The following HDAC4 variants were observed in gnomAD, a reference collection of about 807,000 sequenced individuals.
HDAC4 encodes histone deacetylase A.
Under a neutral mutation model 135.1 loss-of-function variants are expected in HDAC4, and 16 were observed. The ratio of observed to expected loss-of-function variants is 0.12; its 90% CI spans 0.08 to 0.18. The LOEUF (loss-of-function observed/expected upper bound fraction) is 0.18, where lower values mean the gene tolerates loss of function less well. Ranked by LOEUF, HDAC4 falls within the 10% of genes least tolerant of loss-of-function variation. The pLI is 1.00. For missense variants in HDAC4, 1,143 were observed against 1,511.8 expected (o/e 0.76, Z 4.05); for synonymous variants, 685 against 653.4 (o/e 1.05, Z -0.74).
chr2:239,185,271 G>T (rs1324359376), intron 4 of HDAC4, among the ~76,000 whole-genome samples: 2 of 151,734 alleles, frequency 1.3e-5, no homozygotes, highest in Non-Finnish European at 1.5e-5. Context: ...GGGGTGCCTC[G>T]GTGTCTTCTG....
chr2:239,101,897 G>A (rs1032231006), intron 16 of HDAC4, among the ~76,000 whole-genome samples: 4 of 151,330 alleles, frequency 2.6e-5, no homozygotes, highest in Non-Finnish European at 5.9e-5. Context: ...TGGGTTCTGT[G>A]CCCTGGGAGC....
chr2:239,318,061 GACA>G lies in HDAC4; in HGVS notation c.22+34614_22+34616del, dbSNP rs1181022272. On this transcript the variant is annotated intron_variant, in intron 2 of 26. Coordinates refer to ENST00000543185, the MANE Select transcript of HDAC4 (RefSeq NM_001378414.1). Reference sequence around the variant, plus strand: ...CTAGATGACCAGTAGCCACCACCACGACAACAACAGACTCCGACAAAGAACCAT... The same window carrying G: ...CTAGATGACCAGTAGCCACCACCACGACAACAGACTCCGACAAAGAACCAT... Among the ~76,000 whole-genome samples the G allele has an allele frequency of 2.0e-5, 3 of 152,118 alleles. No individual in the cohort carries two copies. In the East Asian group the frequency reaches 5.8e-4, roughly 29 times the overall value.
chr2:239,401,197 C>G (rs1381047739), upstream of HDAC4, among the ~76,000 whole-genome samples: 1 of 151,884 alleles, frequency 6.6e-6, no homozygotes. Context: ...CCCGCCCGCC[C>G]GCCCCGGGCG....
At chr2:239,259,378 A>G (rs2049221140) in intron 2 of HDAC4, among the ~76,000 whole-genome samples, 1 of 152,214 alleles carries the variant, frequency 6.6e-6, no homozygotes, top group African/African-American at 2.4e-5. Context: ...TGGAAGGTGG[A>G]GGCTGCAGTG....
At chr2:239,393,956 C>G (rs1283238077) in intron 1 of HDAC4, among the ~76,000 whole-genome samples, 1 of 151,786 alleles carries the variant, frequency 6.6e-6, no homozygotes, top group Non-Finnish European at 1.5e-5. Flanking sequence ...GAACATGGCC[C>G]CCAAGGACCA....
At chr2:239,131,555 G>A (rs1575136992) in intron 11 of HDAC4, among the ~76,000 whole-genome samples, 1 of 152,232 alleles carries the variant, frequency 6.6e-6, no homozygotes, top group Admixed American at 6.5e-5. Flanking sequence ...AACCACACCT[G>A]ATGGGGAAAA....
In HDAC4 at chr2:239,139,664, G is replaced by C. The variant is rs749544687; in HGVS notation, c.978+20C>G. ...GTCCGACTCTAGCCGTAGGACACAGGACAAACGCTTCGCACTGACCTCCGC... is the reference window on the plus strand; with the variant it reads ...GTCCGACTCTAGCCGTAGGACACAGCACAAACGCTTCGCACTGACCTCCGC... On this transcript the variant is annotated intron_variant, in intron 9 of 26. Coordinates refer to ENST00000543185, the MANE Select transcript of HDAC4 (RefSeq NM_001378414.1). This position sits in a 1 kb window ranked among gnomAD's most constrained non-coding sequence, Gnocchi z 5.3. 3 of 1,604,724 alleles carry C rather than the reference G, an allele frequency of 1.9e-6. No individual in the cohort carries two copies. The South Asian group carries it at 3.3e-5, about 18-fold the overall frequency.
chr2:239,105,212 T>C (rs2038013601), intron 15 of HDAC4, among the ~76,000 whole-genome samples: 1 of 152,162 alleles, frequency 6.6e-6, no homozygotes. Context: ...AACACAGGCT[T>C]GGGGCAGGGT....
intron 11 of HDAC4, among the ~76,000 whole-genome samples, chr2:239,132,066 T>A (rs2040624873): frequency 6.6e-6 from 1 of 151,800 alleles, no homozygotes. Flanking sequence ...CCTGAGACAC[T>A]GAGGACGGAC....
chr2:239,270,444 C>T (rs1190576808), intron 2 of HDAC4, among the ~76,000 whole-genome samples: 1 of 151,518 alleles, frequency 6.6e-6, no homozygotes, highest in African/African-American at 2.4e-5. Flanking sequence ...GTGAAGCAGG[C>T]GATAGAGAAA....
At chr2:239,101,453 C>A (rs961535766) in intron 16 of HDAC4, among the ~76,000 whole-genome samples, 14 of 152,194 alleles carry the variant, frequency 9.2e-5, no homozygotes, top group African/African-American at 2.9e-4. Flanking sequence ...AGGCCTGGCA[C>A]GGAGGACACC....
rs184910967 is a variant in HDAC4, at chr2:239,063,294, G to A, written c.3003+3428C>T. Among the ~76,000 whole-genome samples the A allele has an allele frequency of 8.5e-3, 1,293 of 151,760 alleles. 78 individuals carry two copies. The highest frequency in any genetic ancestry group is 0.078 in the Admixed American group (1,181 of 15,238). On this transcript the variant is annotated intron_variant, in intron 24 of 26. Transcript: ENST00000543185. The stretch of plus-strand genomic sequence containing the variant: ...CGGCTCACTGCAGGCTCCGCCTCCC[G>A]GGTTCACGCCATTCTCCTGCCTCAG...
intron 24 of HDAC4, among the ~76,000 whole-genome samples, chr2:239,055,869 A>T (rs532551924): frequency 6.6e-6 from 1 of 152,250 alleles, no homozygotes; most frequent in South Asian, 2.1e-4. Flanking sequence ...CAAAGCACCC[A>T]TGTCCCCAGG....
At chr2:239,182,355 C>T (rs1334586156) in intron 4 of HDAC4, among the ~76,000 whole-genome samples, 4 of 152,322 alleles carry the variant, frequency 2.6e-5, no homozygotes, top group East Asian at 3.9e-4. Flanking sequence ...AAACGCAGAG[C>T]GGACAGATGC....
chr2:239,067,806 G>A (rs2033716053), intron 23 of HDAC4, among the ~76,000 whole-genome samples: 1 of 152,214 alleles, frequency 6.6e-6, no homozygotes, highest in Non-Finnish European at 1.5e-5. Flanking sequence ...GGAGTGGGGA[G>A]GGCCATACAC....
chr2:239,145,359 A>G (rs552027690), intron 7 of HDAC4, among the ~76,000 whole-genome samples: 2 of 152,092 alleles, frequency 1.3e-5, no homozygotes, highest in East Asian at 3.9e-4. Flanking sequence ...ATCTGACCAC[A>G]GGGTGAAGGT....
chr2:239,137,586 C>G (rs1416499325), intron 9 of HDAC4, among the ~76,000 whole-genome samples: 1 of 152,174 alleles, frequency 6.6e-6, no homozygotes, highest in Non-Finnish European at 1.5e-5. Flanking sequence ...CCAGGGTGAA[C>G]AGAAAAGGCA....
At chr2:239,053,376 TA>T in intron 26 of HDAC4, 83 bp downstream of exon 26, 1 of 1,539,046 alleles carries the variant, frequency 6.5e-7, no homozygotes, top group Non-Finnish European at 8.8e-7. Context: ...GCATGTGCCA[TA>T]AAGGTTCTGA....
At chr2:239,280,718 G>C (rs1174972257) in intron 2 of HDAC4, among the ~76,000 whole-genome samples, 1 of 152,068 alleles carries the variant, frequency 6.6e-6, no homozygotes, top group Admixed American at 6.5e-5. Flanking sequence ...CTCCATCCAA[G>C]TCTTGTCCCC....
Sources: gnomAD v4.1 joint callset for allele counts (sites outside exome capture counted in the v4.1 genomes callset) on GRCh38, gnomAD v4.1.1 for gene constraint, Gnocchi (gnomAD v3.1) non-coding constraint, MANE v1.5 for transcripts, NCBI Gene and HGNC (gene_info 2026-07-23, HGNC 2026-07-21) for gene names.